Variants in VTI1A observed in about 807,000 individuals in gnomAD.
VTI1A encodes vesicle transport through interaction with t-SNAREs homolog 1A.
Under a neutral mutation model 34.9 loss-of-function variants are expected in VTI1A, and 22 were observed. The ratio of observed to expected loss-of-function variants is 0.63; its 90% confidence interval spans 0.45 to 0.90. The LOEUF (loss-of-function observed/expected upper bound fraction) is 0.90, where lower values mean the gene tolerates loss of function less well. Among genes scored for constraint, VTI1A ranks in the 40% least tolerant of loss-of-function variants. VTI1A has a pLI of 0.00. For missense variants in VTI1A, 268 were observed against 275.6 expected (o/e 0.97, Z 0.20); for synonymous variants, 87 against 97.3 (o/e 0.89, Z 0.62).
chr10:112,473,265 T>C (rs1021791106), intron 3 of VTI1A, among the ~76,000 whole-genome samples: 1 of 151,864 alleles, frequency 6.6e-6, no homozygotes, highest in Non-Finnish European at 1.5e-5. Context: ...CGCGCCACCA[T>C]GTCCAGCTAA....
intron 5 of VTI1A, among the ~76,000 whole-genome samples, chr10:112,543,130 A>G (rs866030405): frequency 8.5e-5 from 13 of 152,340 alleles, no homozygotes; most frequent in South Asian, 4.1e-4. Flanking sequence ...TAGTGCTGCA[A>G]TGAACATACG....
intron 3 of VTI1A, among the ~76,000 whole-genome samples, chr10:112,523,408 A>G (rs1850101551): frequency 6.6e-6 from 1 of 152,038 alleles, no homozygotes; most frequent in African/African-American, 2.4e-5. Context: ...CTTAGAGGTA[A>G]CAATCAGTTG....
chr10:112,588,077 A>G (rs1004305972), intron 5 of VTI1A, among the ~76,000 whole-genome samples: 54 of 152,324 alleles, frequency 3.5e-4, no homozygotes, highest in Middle Eastern at 6.8e-3. Flanking sequence ...AGAAAACCTG[A>G]TGGGGCTTTT....
chr10:112,540,655 G>C (rs1850830489), intron 5 of VTI1A, among the ~76,000 whole-genome samples: 1 of 152,180 alleles, frequency 6.6e-6, no homozygotes, highest in Admixed American at 6.5e-5. Flanking sequence ...AATACACTGG[G>C]GTGGGCACCA....
intron 7 of VTI1A, among the ~76,000 whole-genome samples, chr10:112,803,706 C>T (rs948924540): frequency 2.0e-5 from 3 of 152,110 alleles, no homozygotes; most frequent in African/African-American, 4.8e-5. Context: ...GTGAAGGCTG[C>T]AGTGAGCTGT....
At chr10:112,534,772 T>C (rs988117149) in intron 4 of VTI1A, among the ~76,000 whole-genome samples, 1 of 152,184 alleles carries the variant, frequency 6.6e-6, no homozygotes, top group East Asian at 1.9e-4. Context: ...AGATTATTCT[T>C]GAGGTGAGGG....
At chr10:112,596,287 A>G (rs1182028894) in intron 5 of VTI1A, among the ~76,000 whole-genome samples, 1 of 141,096 alleles carries the variant, frequency 7.1e-6, no homozygotes, top group Non-Finnish European at 1.5e-5. Context: ...TATTGTGCAC[A>G]TGTACCCTAA....
intron 5 of VTI1A, among the ~76,000 whole-genome samples, chr10:112,574,345 T>A (rs2134375536): frequency 6.6e-6 from 1 of 152,340 alleles, no homozygotes; most frequent in African/African-American, 2.4e-5. Context: ...TATTTAGTCT[T>A]AGGAAAAACT....
chr10:112,643,094 C>T (rs1481065615), intron 5 of VTI1A, among the ~76,000 whole-genome samples: 1 of 149,432 alleles, frequency 6.7e-6, no homozygotes, highest in Admixed American at 6.7e-5. Context: ...AAGCAATTCT[C>T]ATGCCTCAGC....
chr10:112,564,132 T>C (rs80059457), intron 5 of VTI1A, among the ~76,000 whole-genome samples: 1 of 151,702 alleles, frequency 6.6e-6, no homozygotes, highest in Non-Finnish European at 1.5e-5. Flanking sequence ...TTTTTTTTTT[T>C]AATTGACAAA....
intron 7 of VTI1A, among the ~76,000 whole-genome samples, chr10:112,771,700 A>G (rs766224824): frequency 2.6e-5 from 4 of 152,170 alleles, no homozygotes; most frequent in Admixed American, 2.0e-4. Context: ...TTTTAGCTAT[A>G]TCTTCAATCC....
intron 1 of VTI1A, chr10:112,448,339 A>G (rs1327077753): frequency 2.6e-5 from 4 of 152,160 alleles, no homozygotes; most frequent in African/African-American, 9.7e-5. Flanking sequence ...CACATCTCCC[A>G]TCTGGAAATG....
intron 5 of VTI1A, among the ~76,000 whole-genome samples, chr10:112,661,764 G>A (rs1847463358): frequency 9.4e-6 from 1 of 105,960 alleles, no homozygotes; most frequent in Non-Finnish European, 1.8e-5. Flanking sequence ...CTGCTGTTAA[G>A]TTTTTTTTTT....
chr10:112,821,231 G>A (rs1853647032), downstream of VTI1A, among the ~76,000 whole-genome samples: 2 of 152,118 alleles, frequency 1.3e-5, no homozygotes, highest in East Asian at 1.9e-4. Flanking sequence ...CAGCGGCTCC[G>A]AAGCCGTATT....
intron 7 of VTI1A, among the ~76,000 whole-genome samples, chr10:112,785,821 G>A (rs1487915622): frequency 6.6e-6 from 1 of 151,740 alleles, no homozygotes; most frequent in Non-Finnish European, 1.5e-5. Context: ...TTGTTCCATT[G>A]AACTGTGTCT....
the VTI1A span, among the ~76,000 whole-genome samples, chr10:112,840,844 T>G: frequency 6.6e-6 from 1 of 152,224 alleles, no homozygotes; most frequent in Non-Finnish European, 1.5e-5. Flanking sequence ...AGAGAGTGGG[T>G]TTTGCCTGGG....
intron 5 of VTI1A, among the ~76,000 whole-genome samples, chr10:112,619,145 A>G (rs1257593324): frequency 4.0e-5 from 6 of 151,846 alleles, no homozygotes; most frequent in African/African-American, 1.5e-4. Context: ...ATGTTGAAGT[A>G]AACTAGCAGG....
chr10:112,542,417 T>C (rs1276204096), intron 5 of VTI1A, among the ~76,000 whole-genome samples: 1 of 152,016 alleles, frequency 6.6e-6, no homozygotes, highest in Non-Finnish European at 1.5e-5. Flanking sequence ...ATGACCTTGC[T>C]CCCCCATCCC....
At chr10:112,776,232 A>AC (rs1851952842) in intron 7 of VTI1A, among the ~76,000 whole-genome samples, 1 of 152,240 alleles carries the variant, frequency 6.6e-6, no homozygotes, top group Non-Finnish European at 1.5e-5. Flanking sequence ...CACGCGCTGC[A>AC]CCGTGTTAGT....
Sources: allele counts gnomAD v4.1 joint callset (sites outside exome capture counted in the v4.1 genomes callset), GRCh38; gene constraint gnomAD v4.1.1; transcripts MANE v1.5; gene names NCBI Gene and HGNC (gene_info 2026-07-23, HGNC 2026-07-21).